Variants in CDIP1 observed in about 807,000 individuals in gnomAD.
CDIP1 encodes cell death inducing p53 target 1.
A neutral mutation model predicts 17.7 loss-of-function variants in CDIP1; 9 were observed. That is an observed-to-expected ratio of 0.51 (90% CI 0.31 to 0.89). The LOEUF is 0.89. CDIP1 is among the 40% of genes least tolerant of loss of function. The pLI, the probability that CDIP1 is intolerant of heterozygous loss-of-function variation, is 0.05. For missense variants in CDIP1, 263 were observed against 277.9 expected, an observed-to-expected ratio of 0.95 and a Z score of 0.38; for synonymous variants, 117 against 109.5, an observed-to-expected ratio of 1.07 and a Z score of -0.43.
chr16:4,535,519 G>A (rs375443324), intron 1 of CDIP1, among the ~76,000 whole-genome samples: 2 of 152,346 alleles, frequency 1.3e-5, no homozygotes, highest in East Asian at 3.9e-4. Context: ...TCTCTTCAGC[G>A]CTAACAGCAG....
rs938459974 is a variant in CDIP1, at chr16:4,514,364, T to C, written c.-15+211A>G. On this transcript the variant is annotated intron_variant, in intron 2 of 5. Coordinates refer to ENST00000567695, the MANE Select transcript of CDIP1 (RefSeq NM_013399.3). This position sits in a 1 kb window ranked among gnomAD's most constrained non-coding sequence, Gnocchi z 5.2. ...CACCTGCTCTTCCCTGTTTGGAAGC[T>C]GAAGGGCAAGGACAGAACCCAGGAA... is the stretch of plus-strand genomic sequence containing the variant. 1.5e-4 allele frequency among the ~76,000 whole-genome samples: 23 copies of C among 152,190 alleles called. No individual in the cohort carries two copies. The highest frequency in any genetic ancestry group is 4.1e-4 in the African/African-American group (17 of 41,434).
At chr16:4,518,409 C>T (rs9932088) in intron 1 of CDIP1, among the ~76,000 whole-genome samples, 4,643 of 152,338 alleles carry the variant, frequency 0.03, 242 homozygotes, top group African/African-American at 0.11. Context: ...TCTGGACCTG[C>T]ACAGGGCTGG....
chr16:4,524,733 ATGAGTAATAAAACT>A (rs1189833828), intron 1 of CDIP1, among the ~76,000 whole-genome samples: 5 of 152,212 alleles, frequency 3.3e-5, no homozygotes, highest in African/African-American at 9.6e-5. Context: ...CATCTTCCAC[ATGAGTAATAAAACT>A]TGGTTTACTG....
chr16:4,530,691 G>A (rs1167799355), intron 1 of CDIP1, among the ~76,000 whole-genome samples: 1 of 151,514 alleles, frequency 6.6e-6, no homozygotes, highest in African/African-American at 2.4e-5. Context: ...ATAGTATACA[G>A]TAGGCCAGGC....
At chr16:4,520,828 G>A (rs1718010946) in intron 1 of CDIP1, among the ~76,000 whole-genome samples, 2 of 152,164 alleles carry the variant, frequency 1.3e-5, no homozygotes, top group Non-Finnish European at 2.9e-5. Flanking sequence ...TCAAGAAAGT[G>A]TATGCTAAAT....
At chr16:4,515,255 T>G (rs2058876845) in intron 1 of CDIP1, 1 of 152,152 alleles carries the variant, frequency 6.6e-6, no homozygotes, top group African/African-American at 2.4e-5. Flanking sequence ...GGCACATAAG[T>G]TTGAATATAA....
intron 1 of CDIP1, 36 bp downstream of exon 1, chr16:4,538,666 C>T (rs371399349): frequency 4.6e-5 from 7 of 152,266 alleles, no homozygotes; most frequent in South Asian, 2.1e-4. Context: ...AGGGCTCCCG[C>T]GCGAAGCCGT....
chr16:4,513,835 A>C lies in CDIP1; in HGVS notation c.102T>G (p.Ala34=), dbSNP rs200298345. The change falls in exon 4 of 6, where the codon GCT becomes GCG. Residue 34 remains alanine, a synonymous_variant. Coordinates refer to ENST00000567695, the MANE Select transcript of CDIP1 (RefSeq NM_013399.3). The surrounding 1 kb of genome is among the most constrained non-coding windows in gnomAD (Gnocchi z 4.1). ...APPTPGRSSP[A]VMQPPPGMPL... ...GCATGCCTGGAGGGGGCTGCATCAC[A>C]GCTGGGGAGGAACGGCCTGGACAGA... 6.3e-7 allele frequency: 1 copy of C among 1,585,850 alleles called. No homozygotes were observed. Among genetic ancestry groups the C allele is most frequent in the East Asian group, 2.3e-5 (1 of 44,444 alleles).
At position 4,513,135 on chromosome 16, in the gene CDIP1, C is replaced by A. The variant is rs1201709804; in HGVS notation, c.242-71G>T. 7.0e-7 allele frequency: 1 copy of A among 1,422,736 alleles called. No homozygotes were observed. The highest frequency in any genetic ancestry group is 9.3e-7 in the Non-Finnish European group (1 of 1,071,474). The allele number at this position is 1,422,736 out of a possible 1,614,324, so 88.1% of individuals were successfully genotyped here. On this transcript the variant is annotated intron_variant, in intron 4 of 5. Transcript: ENST00000567695. This position sits in a 1 kb window ranked among gnomAD's most constrained non-coding sequence, Gnocchi z 4.1. Reference sequence around the variant, plus strand: ...CCTGCACCAGACAAAGAGATTGGCGCAAAGCCCCACGGTCCACAGCGCCCA... The same window carrying A: ...CCTGCACCAGACAAAGAGATTGGCGAAAAGCCCCACGGTCCACAGCGCCCA...
At position 4,513,047 on chromosome 16, in the gene CDIP1, C is replaced by T. The variant is rs1334535926; in HGVS notation, c.259G>A (p.Gly87Ser). ...YMPPGFYPPP[G>S]PHPPMGYYPP... ...TAGTAGCCCATGGGTGGGTGGGGGC[C>T]TGGAGGAGGGTAGAAACCTGGAATG... Residue 87 changes from glycine (G) to serine (S), a missense_variant, in exon 5 of 6, where the codon GGC (glycine) becomes AGC (serine). Transcript: ENST00000567695. The surrounding 1 kb of genome is among the most constrained non-coding windows in gnomAD (Gnocchi z 4.1). 1 of 1,593,246 alleles carries T rather than the reference C, an allele frequency of 6.3e-7. No homozygotes were observed. The highest frequency in any genetic ancestry group is 2.3e-5 in the East Asian group (1 of 44,150).
chr16:4,529,906 A>G (rs1385246005), intron 1 of CDIP1, among the ~76,000 whole-genome samples: 1 of 152,254 alleles, frequency 6.6e-6, no homozygotes, highest in Admixed American at 6.5e-5. Flanking sequence ...GTCCTTAGCC[A>G]GGGAGCTGGG....
chr16:4,516,606 G>A (rs1037390260), intron 1 of CDIP1, among the ~76,000 whole-genome samples: 1 of 151,560 alleles, frequency 6.6e-6, no homozygotes, highest in African/African-American at 2.4e-5. Context: ...CTCCTGCCTC[G>A]GCCTCCTAAA....
rs2058850579 is a variant in CDIP1 at position 4,513,118 on chromosome 16, A to G, written c.242-54T>C. 6.7e-7 allele frequency: 1 copy of G among 1,492,760 alleles called. No homozygotes were observed. 92.5% of individuals were successfully genotyped at this position (1,492,760 alleles called of 1,614,324 possible). On this transcript the variant is annotated intron_variant, in intron 4 of 5. Transcript: ENST00000567695. This position sits in a 1 kb window ranked among gnomAD's most constrained non-coding sequence, Gnocchi z 4.1. ...AGGTCACTGGCCTGCCACCTGCACC[A>G]GACAAAGAGATTGGCGCAAAGCCCC...
chr16:4,534,941 T>C (rs577273753), intron 1 of CDIP1, among the ~76,000 whole-genome samples: 1 of 152,012 alleles, frequency 6.6e-6, no homozygotes, highest in South Asian at 2.1e-4. Context: ...TGGTCTCAAA[T>C]TCCCAACCTC....
intron 1 of CDIP1, chr16:4,522,478 G>A (rs1239354699): frequency 1.3e-5 from 2 of 152,290 alleles, no homozygotes; most frequent in Non-Finnish European, 2.9e-5. Flanking sequence ...CTGTCCCCAG[G>A]AGGCAGGTCC....
At chr16:4,515,194 T>C (rs1226923461) in intron 1 of CDIP1, 1 of 152,216 alleles carries the variant, frequency 6.6e-6, no homozygotes, top group South Asian at 2.1e-4. Context: ...GAACAAAAAA[T>C]ACAGGGAAAG....
chr16:4,533,873 C>T (rs1440687290), intron 1 of CDIP1, among the ~76,000 whole-genome samples: 1 of 152,116 alleles, frequency 6.6e-6, no homozygotes, highest in Non-Finnish European at 1.5e-5. Flanking sequence ...ATTGTTGGGC[C>T]CTGCTTGGTG....
chr16:4,519,338 G>C (rs1355801675), intron 1 of CDIP1, among the ~76,000 whole-genome samples: 3 of 152,228 alleles, frequency 2.0e-5, no homozygotes, highest in Non-Finnish European at 2.9e-5. Context: ...ACGTCTTCTA[G>C]TGGCATTCAA....
Position 4,513,832 on chromosome 16 carries a change from C to A in CDIP1, c.105G>T (p.Val35=). ...GTGGCATGCCTGGAGGGGGCTGCAT[C>A]ACAGCTGGGGAGGAACGGCCTGGAC... ...PPTPGRSSPA[V]MQPPPGMPLP... The change falls in exon 4 of 6, where the codon GTG becomes GTT. Residue 35 remains valine, a synonymous_variant. Coordinates refer to ENST00000567695, the MANE Select transcript of CDIP1 (RefSeq NM_013399.3). This position sits in a 1 kb window ranked among gnomAD's most constrained non-coding sequence, Gnocchi z 4.1. 5 of 1,588,168 alleles carry A rather than the reference C, an allele frequency of 3.1e-6. No homozygotes were observed. Among genetic ancestry groups the A allele is most frequent in the Non-Finnish European group, 4.3e-6 (5 of 1,167,352 alleles).
Sources: gnomAD v4.1 joint callset for allele counts (sites outside exome capture counted in the v4.1 genomes callset) on GRCh38, gnomAD v4.1.1 for gene constraint, Gnocchi (gnomAD v3.1) non-coding constraint, MANE v1.5 for transcripts, NCBI Gene and HGNC (gene_info 2026-07-23, HGNC 2026-07-21) for gene names.